The following TMEM132D variants were observed in gnomAD, a reference collection of about 807,000 sequenced individuals.
The protein encoded by TMEM132D is transmembrane protein 132D, also known as mature OL transmembrane protein.
In TMEM132D, 21 loss-of-function variants were observed where a neutral mutation model predicts 62.3. That is an observed-to-expected ratio of 0.34 (90% CI 0.24 to 0.49). TMEM132D has a LOEUF of 0.49. Ranked by LOEUF, TMEM132D falls within the 20% of genes least tolerant of loss-of-function variation. The pLI, the probability that TMEM132D is intolerant of heterozygous loss-of-function variation, is 0.99. For missense variants in TMEM132D, 1,346 were observed against 1,402.8 expected, an observed-to-expected ratio of 0.96 and a Z score of 0.65; for synonymous variants, 621 against 575.6, an observed-to-expected ratio of 1.08 and a Z score of -1.13.
At chr12:129,787,240 T>C (rs550038380) in intron 1 of TMEM132D, among the ~76,000 whole-genome samples, 1 of 152,154 alleles carries the variant, frequency 6.6e-6, no homozygotes, top group African/African-American at 2.4e-5. Context: ...TGGCTTCTTA[T>C]AGTTGATCAA....
chr12:129,413,199 T>C (rs1363343379), intron 3 of TMEM132D, among the ~76,000 whole-genome samples: 1 of 152,168 alleles, frequency 6.6e-6, no homozygotes, highest in African/African-American at 2.4e-5. Flanking sequence ...CCTCATGTTG[T>C]GGGAGGGGCC....
chr12:129,325,670 A>T (rs1488867714), intron 4 of TMEM132D, among the ~76,000 whole-genome samples: 1 of 152,184 alleles, frequency 6.6e-6, no homozygotes, highest in East Asian at 1.9e-4. Context: ...GTAGTTGCTG[A>T]CAAGATTTTA....
rs1292257154 is a variant in TMEM132D, at chr12:129,072,025, T to G, written c.*1850A>C. On this transcript the variant is annotated 3_prime_UTR_variant, in exon 9 of 9. Transcript: ENST00000422113. ...ACCTCAGTCTCAAGAGCACCACAGT[T>G]GCAGGGGAGAGGGCTAAGGTTGGGA... The G allele has an allele frequency of 6.6e-6, 1 of 152,144 alleles. No individual in the cohort carries two copies. Among genetic ancestry groups the G allele is most frequent in the Non-Finnish European group, 1.5e-5 (1 of 68,028 alleles). The allele number at this position is 152,144 out of a possible 1,614,324, so 9.4% of individuals were successfully genotyped here. A position where few individuals can be genotyped will look rare whatever the true frequency, so the allele number is the denominator to read the frequency against.
chr12:129,363,858 G>A (rs139612384), intron 3 of TMEM132D, among the ~76,000 whole-genome samples: 1 of 152,126 alleles, frequency 6.6e-6, no homozygotes, highest in Non-Finnish European at 1.5e-5. Context: ...TGGCTTTTTC[G>A]TTTTGGGTAT....
At chr12:129,166,921 T>C (rs184023914) in intron 5 of TMEM132D, among the ~76,000 whole-genome samples, 65 of 152,142 alleles carry the variant, frequency 4.3e-4, no homozygotes, top group Non-Finnish European at 8.5e-4. Context: ...CCCAGCACTT[T>C]GGGAGGCCGA....
In TMEM132D at chr12:129,223,736, C is replaced by T. The variant is rs915911147; in HGVS notation, c.1300-14073G>A. On this transcript the variant is annotated intron_variant, in intron 4 of 8. Transcript: ENST00000422113. ...CTGGTGTTAGCTTCCTAACTTTTCT[C>T]ATTTCTAACTTTTACTTTTATACTC... 2.0e-5 allele frequency among the ~76,000 whole-genome samples: 3 copies of T among 152,182 alleles called. No individual in the cohort carries two copies. In the East Asian group the frequency reaches 5.8e-4, roughly 29 times the overall value.
intron 3 of TMEM132D, among the ~76,000 whole-genome samples, chr12:129,348,108 G>A (rs1389831198): frequency 6.6e-6 from 1 of 152,184 alleles, no homozygotes; most frequent in Admixed American, 6.5e-5. Flanking sequence ...CTGTTGGTGG[G>A]AGTGTAAATT....
chr12:129,511,557 T>C (rs1221375640), intron 3 of TMEM132D, among the ~76,000 whole-genome samples: 1 of 152,238 alleles, frequency 6.6e-6, no homozygotes, highest in Non-Finnish European at 1.5e-5. Flanking sequence ...GTGGACGTGA[T>C]AGTTTAAATT....
At chr12:129,317,739 C>T (rs1593334994) in intron 4 of TMEM132D, among the ~76,000 whole-genome samples, 2 of 152,182 alleles carry the variant, frequency 1.3e-5, no homozygotes, top group African/African-American at 4.8e-5. Context: ...AATACGTTTT[C>T]CAAGCTTTTA....
Position 129,349,465 on chromosome 12 carries a change from G to C in TMEM132D, c.1116-11648C>G, listed in dbSNP as rs145956363. Among the ~76,000 whole-genome samples, 643 of 152,310 alleles carry C rather than the reference G, an allele frequency of 4.2e-3. 3 individuals carry two copies. Among genetic ancestry groups the C allele is most frequent in the African/African-American group, 0.015 (612 of 41,562 alleles). ...ACCAGGTGCTAATCAGTGGAAAATA[G>C]TTAAGCATTTGCATGACTCTACTCA... On this transcript the variant is annotated intron_variant, in intron 3 of 8. Transcript: ENST00000422113.
intron 4 of TMEM132D, among the ~76,000 whole-genome samples, chr12:129,233,586 A>G (rs1254917912): frequency 6.6e-6 from 1 of 152,100 alleles, no homozygotes; most frequent in African/African-American, 2.4e-5. Flanking sequence ...GAAATCACAA[A>G]CTGATATTAT....
At position 129,570,069 on chromosome 12, in the gene TMEM132D, A is replaced by G. The variant is rs554797952; in HGVS notation, c.969-38864T>C. Among the ~76,000 whole-genome samples the G allele has an allele frequency of 3.3e-5, 5 of 152,334 alleles. No homozygotes were observed. The South Asian group carries it at 1.0e-3, about 32-fold the overall frequency. The stretch of plus-strand genomic sequence containing the variant: ...TTTGGTAGTTTTCTGTTGGCTGATT[A>G]AATCAACCAGAAGTGCCATAGTGAG... On this transcript the variant is annotated intron_variant, in intron 2 of 8. Transcript: ENST00000422113.
chr12:129,515,259 G>A lies in TMEM132D; in HGVS notation c.1115+15800C>T, dbSNP rs145081414. On this transcript the variant is annotated intron_variant, in intron 3 of 8. Coordinates refer to ENST00000422113, the MANE Select transcript of TMEM132D (RefSeq NM_133448.3). ...GTGTCTTGTTGCTGTCGGTACACTGGTTTTCAGCTCTGCACGGTTTTTTGA... is the reference window on the plus strand; with the variant it reads ...GTGTCTTGTTGCTGTCGGTACACTGATTTTCAGCTCTGCACGGTTTTTTGA... Among the ~76,000 whole-genome samples the A allele has an allele frequency of 5.1e-3, 772 of 152,266 alleles. 33 individuals carry two copies. The South Asian group carries it at 0.11, about 21-fold the overall frequency.
At chr12:129,636,622 A>T (rs765889865) in intron 2 of TMEM132D, among the ~76,000 whole-genome samples, 2 of 151,920 alleles carry the variant, frequency 1.3e-5, no homozygotes, top group Non-Finnish European at 2.9e-5. Flanking sequence ...CAAAGCAAAG[A>T]CTTTTGTCTA....
At chr12:129,079,619 C>G (rs1411948966) in intron 7 of TMEM132D, among the ~76,000 whole-genome samples, 2 of 152,200 alleles carry the variant, frequency 1.3e-5, no homozygotes, top group African/African-American at 4.8e-5. Context: ...CGACCTCTTT[C>G]TCTTTTCAAG....
intron 3 of TMEM132D, among the ~76,000 whole-genome samples, chr12:129,490,149 T>A (rs1193687317): frequency 2.6e-5 from 4 of 152,194 alleles, no homozygotes; most frequent in African/African-American, 9.6e-5. Flanking sequence ...ATTTAGTCAA[T>A]TTCGTATTAC....
intron 3 of TMEM132D, among the ~76,000 whole-genome samples, chr12:129,462,007 G>A (rs1295129922): frequency 6.6e-6 from 1 of 152,088 alleles, no homozygotes; most frequent in Non-Finnish European, 1.5e-5. Flanking sequence ...TAAAAATTGG[G>A]CAAAAAGATT....
chr12:129,329,033 A>AATATATATAT lies in TMEM132D; in HGVS notation c.1299+8591_1299+8600dup, dbSNP rs201004813. Among the ~76,000 whole-genome samples, 864 of 147,562 alleles carry AATATATATAT rather than the reference A, an allele frequency of 5.9e-3. 8 individuals are homozygous for AATATATATAT. Among genetic ancestry groups the AATATATATAT allele is most frequent in the African/African-American group, 0.021 (835 of 40,616 alleles). ...ATAAACAATTTATATATATGTAAAG[A>AATATATATAT]ATATATATATATATAAAGAATATAC... On this transcript the variant is annotated intron_variant, in intron 4 of 8. Transcript: ENST00000422113.
At chr12:129,248,486 C>T (rs1269336291) in intron 4 of TMEM132D, among the ~76,000 whole-genome samples, 1 of 151,856 alleles carries the variant, frequency 6.6e-6, no homozygotes, top group Non-Finnish European at 1.5e-5. Context: ...CCCTCAATTG[C>T]TATTTACTGC....
Sources: allele counts gnomAD v4.1 joint callset (sites outside exome capture counted in the v4.1 genomes callset), GRCh38; gene constraint gnomAD v4.1.1; transcripts MANE v1.5; gene names NCBI Gene and HGNC (gene_info 2026-07-23, HGNC 2026-07-21).